The following SLC27A6 variants were observed in gnomAD, a reference collection of about 807,000 sequenced individuals.
SLC27A6 encodes the protein solute carrier family 27 member 6.
A neutral mutation model predicts 63.9 loss-of-function variants in SLC27A6; 74 were observed. That is an observed-to-expected ratio of 1.16 (90% confidence interval 0.96 to 1.40). SLC27A6 has a LOEUF of 1.40. Ranked by LOEUF, SLC27A6 falls within the 40% of genes most tolerant of loss-of-function variation. The pLI is 0.00. For missense variants in SLC27A6, 794 were observed against 732.9 expected, an observed-to-expected ratio of 1.08 and a Z score of -0.96; for synonymous variants, 287 against 260.8, an observed-to-expected ratio of 1.10 and a Z score of -0.97.
chr5:129,000,651 C>T (rs1317335431), intron 4 of SLC27A6, among the ~76,000 whole-genome samples: 1 of 152,158 alleles, frequency 6.6e-6, no homozygotes, highest in African/African-American at 2.4e-5. Context: ...TAATGGGACC[C>T]TGCACTTTTT....
intron 9 of SLC27A6, among the ~76,000 whole-genome samples, chr5:129,029,970 C>T (rs1166925089): frequency 6.6e-6 from 1 of 151,952 alleles, no homozygotes; most frequent in Non-Finnish European, 1.5e-5. Context: ...ATGATGGTCC[C>T]AGTGACGGTG....
intron 6 of SLC27A6, 49 bp downstream of exon 6, chr5:129,023,759 C>T: frequency 7.6e-7 from 1 of 1,312,714 alleles, no homozygotes; most frequent in Non-Finnish European, 1.1e-6. Context: ...TTCTGATCTC[C>T]TGTATACAGA....
Position 129,023,551 on chromosome 5 carries a change from TTGTACAAGTAACTAAA to T in SLC27A6, c.1165-66_1165-51del, listed in dbSNP as rs1469131898. 119 of 1,092,542 alleles carry T rather than the reference TTGTACAAGTAACTAAA, an allele frequency of 1.1e-4. 1 individual carries two copies. The highest frequency in any genetic ancestry group is 1.0e-3 in the South Asian group (75 of 73,946). 67.7% of individuals were successfully genotyped at this position (1,092,542 alleles called of 1,614,324 possible). On this transcript the variant is annotated intron_variant, in intron 5 of 9. Transcript: ENST00000262462. Reference sequence around the variant, plus strand: ...AGTCTACTACAGTAGACTAAATTGCTTGTACAAGTAACTAAATGCACAAGTAACTAAATGCTTGTTT... The same window carrying T: ...AGTCTACTACAGTAGACTAAATTGCTTGCACAAGTAACTAAATGCTTGTTT...
Position 128,988,681 on chromosome 5 carries a change from A to T in SLC27A6, c.767A>T (p.His256Leu). The T allele has an allele frequency of 2.5e-6, 4 of 1,613,818 alleles. No individual in the cohort carries two copies. Among genetic ancestry groups the T allele is most frequent in the Non-Finnish European group, 3.4e-6 (4 of 1,179,782 alleles). ...CTGTGGGCTTTTGGTTGTACTGCTC[A>T]TGACATTGTTTATATAACCCTTCCT... Reference protein sequence around the residue: ...AVLWAFGCTAHDIVYITLPLY... With the variant: ...AVLWAFGCTALDIVYITLPLY... Residue 256 changes from histidine (H) to leucine (L), a missense_variant, in exon 3 of 10, where the codon CAT becomes CTT. Physicochemically the swap from His to Leu is moderately conservative, Grantham distance 99 (BLOSUM62 -3). Coordinates refer to ENST00000262462, the MANE Select transcript of SLC27A6 (RefSeq NM_001017372.3).
intron 4 of SLC27A6, among the ~76,000 whole-genome samples, chr5:129,002,836 C>T (rs1342456450): frequency 1.3e-5 from 2 of 152,160 alleles, no homozygotes; most frequent in East Asian, 3.8e-4. Context: ...CAATACAATA[C>T]TTTGATATGG....
chr5:129,025,995 G>T (rs1198343141), intron 6 of SLC27A6, among the ~76,000 whole-genome samples: 1 of 152,094 alleles, frequency 6.6e-6, no homozygotes, highest in Non-Finnish European at 1.5e-5. Flanking sequence ...AATTAGCTGG[G>T]CCTAGTGGCA....
chr5:128,966,184 T>G lies in SLC27A6; in HGVS notation c.47T>G (p.Leu16Arg), dbSNP rs759666732. ...LTVLGAGMVV[L>R]HFLQKLLFPY... Reference sequence around the variant, plus strand: ...GTTCTAGGGGCTGGAATGGTCGTCCTGCACTTCTTGCAGAAACTCCTGTTC... The same window carrying G: ...GTTCTAGGGGCTGGAATGGTCGTCCGGCACTTCTTGCAGAAACTCCTGTTC... Residue 16 changes from leucine (L) to arginine (R), a missense_variant, in exon 1 of 10, where the codon CTG becomes CGG. Coordinates refer to ENST00000262462, the MANE Select transcript of SLC27A6 (RefSeq NM_001017372.3). 20 of 1,588,742 alleles carry G rather than the reference T, an allele frequency of 1.3e-5. No individual in the cohort carries two copies. Among genetic ancestry groups the G allele is most frequent in the Non-Finnish European group, 1.7e-5 (20 of 1,168,742 alleles).
At chr5:128,975,054 G>A (rs1750329064) in intron 1 of SLC27A6, among the ~76,000 whole-genome samples, 1 of 152,168 alleles carries the variant, frequency 6.6e-6, no homozygotes, top group African/African-American at 2.4e-5. Flanking sequence ...ACTTTTCTTA[G>A]AAATGTGTTA....
intron 4 of SLC27A6, among the ~76,000 whole-genome samples, chr5:128,991,464 T>C (rs1435018045): frequency 6.6e-6 from 1 of 152,246 alleles, no homozygotes; most frequent in African/African-American, 2.4e-5. Context: ...TGCTTTGTAC[T>C]GTAGCAGGAT....
intron 2 of SLC27A6, 73 bp from the exon 3 acceptor site, chr5:128,988,527 A>G: frequency 2.6e-6 from 3 of 1,159,582 alleles, no homozygotes; most frequent in South Asian, 1.5e-5. Flanking sequence ...CTTTCTAGTT[A>G]TATGAATATG....
intron 2 of SLC27A6, among the ~76,000 whole-genome samples, chr5:128,985,545 G>A (rs771924672): frequency 4.6e-5 from 7 of 152,100 alleles, no homozygotes; most frequent in Non-Finnish European, 1.0e-4. Context: ...TGTTCATTTG[G>A]CATTTGTCTC....
At chr5:129,016,569 C>T (rs1223131637) in intron 5 of SLC27A6, among the ~76,000 whole-genome samples, 3 of 150,852 alleles carry the variant, frequency 2.0e-5, no homozygotes, top group African/African-American at 7.3e-5. Flanking sequence ...TTATGTGAAC[C>T]TCAGTTATCT....
chr5:128,981,319 A>T (rs1451475079), intron 1 of SLC27A6, among the ~76,000 whole-genome samples: 1 of 151,996 alleles, frequency 6.6e-6, no homozygotes, highest in African/African-American at 2.4e-5. Flanking sequence ...CGTCTCTACT[A>T]AAAATACAAA....
chr5:128,990,373 C>A lies in SLC27A6; in HGVS notation c.878C>A (p.Ala293Glu). 1 of 1,613,866 alleles carries A rather than the reference C, an allele frequency of 6.2e-7. No homozygotes were observed. The highest frequency in any genetic ancestry group is 1.7e-4 in the Middle Eastern group (1 of 6,058). ...ATCVLKKKFS[A>E]SQFWSDCKKY... ...TGTGTGTTAAAGAAGAAATTTTCAG[C>A]AAGCCAGTTTTGGAGTGACTGCAAG... The change falls in exon 4 of 10, where the codon GCA becomes GAA. Residue 293 changes from alanine (A) to glutamate (E), a missense_variant. Transcript: ENST00000262462.
At chr5:128,991,701 C>A (rs968770993) in intron 4 of SLC27A6, among the ~76,000 whole-genome samples, 68 of 151,484 alleles carry the variant, frequency 4.5e-4, no homozygotes, top group African/African-American at 1.6e-3. Flanking sequence ...ATTAGGATAT[C>A]TTTTTGTTTT....
intron 1 of SLC27A6, among the ~76,000 whole-genome samples, chr5:128,976,776 G>A (rs190895259): frequency 2.2e-4 from 33 of 152,240 alleles, no homozygotes; most frequent in African/African-American, 7.5e-4. Context: ...TACTTCTTAC[G>A]AAGAGAAATC....
chr5:128,971,856 G>C (rs950762132), intron 1 of SLC27A6, among the ~76,000 whole-genome samples: 10 of 152,154 alleles, frequency 6.6e-5, no homozygotes, highest in Middle Eastern at 6.8e-3. Flanking sequence ...TCTTTCTAGC[G>C]TCGATGGTCT....
intron 5 of SLC27A6, among the ~76,000 whole-genome samples, chr5:129,021,101 G>A (rs1752060316): frequency 6.6e-6 from 1 of 150,800 alleles, no homozygotes; most frequent in African/African-American, 2.4e-5. Flanking sequence ...GTCAAGCTGG[G>A]TGATCCAAAG....
At chr5:129,006,188 C>G (rs974688165) in intron 4 of SLC27A6, among the ~76,000 whole-genome samples, 3 of 149,358 alleles carry the variant, frequency 2.0e-5, no homozygotes, top group Admixed American at 6.7e-5. Context: ...ACGCCATTCT[C>G]CCGCCTCAGC....
Sources: allele counts gnomAD v4.1 joint callset (sites outside exome capture counted in the v4.1 genomes callset), GRCh38; gene constraint gnomAD v4.1.1; transcripts MANE v1.5; gene names NCBI Gene and HGNC (gene_info 2026-07-23, HGNC 2026-07-21).